The following NEURL4 variants were observed in gnomAD, a reference collection of about 807,000 sequenced individuals.
NEURL4 encodes neuralized-like protein 4.
NEURL4 carries 45 observed loss-of-function variants against 148.0 expected under a neutral mutation model. The observed-to-expected ratio is 0.30, with a 90% confidence interval of 0.24 to 0.39. The LOEUF is 0.39. NEURL4 is among the 10% of genes least tolerant of loss of function. NEURL4 has a pLI of 1.00. For missense variants in NEURL4, 1,776 were observed against 2,144.0 expected, an observed-to-expected ratio of 0.83 and a Z score of 3.39; for synonymous variants, 854 against 869.0, an observed-to-expected ratio of 0.98 and a Z score of 0.30.
Position 7,327,359 on chromosome 17 carries a change from G to A in NEURL4, c.727+81C>T. On this transcript the variant is annotated intron_variant, in intron 2 of 28. Coordinates refer to ENST00000399464, the MANE Select transcript of NEURL4 (RefSeq NM_032442.3). The surrounding 1 kb of genome is among the most constrained non-coding windows in gnomAD (Gnocchi z 6.6). ...CAGACTTGGGGATCAGGGTGGCCCT[G>A]CCCACACCCAGCCTGTCTTGTCACT... The A allele has an allele frequency of 6.9e-7, 1 of 1,447,002 alleles. No homozygotes were observed. Among genetic ancestry groups the A allele is most frequent in the Non-Finnish European group, 9.4e-7 (1 of 1,066,550 alleles). 89.6% of individuals were successfully genotyped at this position (1,447,002 alleles called of 1,614,324 possible).
chr17:7,320,939 G>T lies in NEURL4; in HGVS notation c.3361-16C>A, dbSNP rs745531481. The T allele has an allele frequency of 6.2e-7, 1 of 1,613,370 alleles. No homozygotes were observed. Among genetic ancestry groups the T allele is most frequent in the African/African-American group, 1.3e-5 (1 of 74,884 alleles). ...CATTCTGGCCCTGGTGTGGAGGAAG[G>T]GACTGAGCTGCATGGGTTGCCAATG... On this transcript the variant is annotated splice_polypyrimidine_tract_variant and intron_variant, in intron 20 of 28. Transcript: ENST00000399464.
intron 8 of NEURL4, 51 bp downstream of exon 8, chr17:7,325,158 C>CCCCCCCCCCCCCCCCCCCCCCCT: frequency 1.3e-6 from 1 of 750,854 alleles, no homozygotes; most frequent in Non-Finnish European, 2.2e-6. Context: ...CCGCCCCCCC[C>CCCCCCCCCCCCCCCCCCCCCCCT]CCCCCATTAG....
chr17:7,320,679 C>CA, intron 21 of NEURL4, 80 bp downstream of exon 21: 1 of 1,374,040 alleles, frequency 7.3e-7, no homozygotes, highest in Non-Finnish European at 1.0e-6. Context: ...TTTCTCCACA[C>CA]AAAAAGGCCT....
Position 7,319,189 on chromosome 17 carries a change from T to G in NEURL4, c.3545A>C (p.Asn1182Thr). ...GACAAGGGAAGATGTCCACTGTCGG[T>G]TTAGGAAATCTATCCGCACCTGGGG... is the stretch of plus-strand genomic sequence containing the variant. ...LLVQVRIDFL[N>T]RQWTSSLVLG... is the part of the protein sequence containing the mutation. The change falls in exon 22 of 29, where the codon AAC becomes ACC. Residue 1182 changes from asparagine to threonine, a missense_variant. Transcript: ENST00000399464. The G allele has an allele frequency of 6.2e-7, 1 of 1,612,850 alleles. No homozygotes were observed.
rs1480602439 is a variant in NEURL4, at chr17:7,326,360, A to G, written c.1205-17T>C. The stretch of plus-strand genomic sequence containing the variant: ...TGATGGTGCCTGGGTGATAGTGGAC[A>G]CTTGGGTTCGGGTACGGGGCTTCCT... On this transcript the variant is annotated splice_polypyrimidine_tract_variant and intron_variant, in intron 5 of 28. Transcript: ENST00000399464. The surrounding 1 kb of genome is among the most constrained non-coding windows in gnomAD (Gnocchi z 6.0). 1.2e-6 allele frequency: 2 copies of G among 1,613,968 alleles called. No homozygotes were observed. Among genetic ancestry groups the G allele is most frequent in the South Asian group, 1.1e-5 (1 of 91,080 alleles).
chr17:7,317,365 C>T lies in NEURL4; in HGVS notation c.4324G>A (p.Ala1442Thr). 6.4e-7 allele frequency: 1 copy of T among 1,573,958 alleles called. No individual in the cohort carries two copies. Among genetic ancestry groups the T allele is most frequent in the East Asian group, 2.2e-5 (1 of 44,550 alleles). The change falls in exon 28 of 29, where the codon GCC (alanine) becomes ACC (threonine). Residue 1442 changes from alanine to threonine, a missense_variant. Transcript: ENST00000399464. ...LDRGELGAGT[A>T]SILSCRPLKG... ...AAAGGACGGCAGCTCAGGATGGAGGCAGTACCTGGGAGGAGAACTGGGTCA... is the reference window on the plus strand; with the variant it reads ...AAAGGACGGCAGCTCAGGATGGAGGTAGTACCTGGGAGGAGAACTGGGTCA...
chr17:7,320,648 A>G (rs2073019174), intron 21 of NEURL4, 111 bp downstream of exon 21: 2 of 969,530 alleles, frequency 2.1e-6, no homozygotes, highest in Non-Finnish European at 3.1e-6. Context: ...TAGGAAGCTC[A>G]TCCAAGTGGC....
chr17:7,322,879 G>A lies in NEURL4; in HGVS notation c.2594-13C>T, dbSNP rs1268034140. The A allele has an allele frequency of 3.1e-6, 5 of 1,611,992 alleles. No individual in the cohort carries two copies. Among genetic ancestry groups the A allele is most frequent in the African/African-American group, 1.3e-5 (1 of 74,992 alleles). On this transcript the variant is annotated splice_polypyrimidine_tract_variant and intron_variant, in intron 15 of 28. Transcript: ENST00000399464. This position sits in a 1 kb window ranked among gnomAD's most constrained non-coding sequence, Gnocchi z 5.5. ...ACCGCATACACCTCTGGGGAGGAGA[G>A]GGAAGGTCAGAAGCCTGACAGCCAG...
chr17:7,323,026 T>G lies in NEURL4; in HGVS notation c.2515A>C (p.Thr839Pro). The change falls in exon 15 of 29, where the codon ACT becomes CCT. Residue 839 changes from threonine to proline, a missense_variant. Physicochemically the swap from Thr to Pro is conservative, Grantham distance 38. Coordinates refer to ENST00000399464, the MANE Select transcript of NEURL4 (RefSeq NM_032442.3). ...AAGTAGTGCAGGTCGCCCTTGGCAG[T>G]TCGCATCATGCCAATGCGTGCACCT... is the stretch of plus-strand genomic sequence containing the variant. The part of the protein sequence containing the change: ...GTGARIGMMR[T>P]AKGDLHYFIN... The G allele has an allele frequency of 6.2e-7, 1 of 1,613,776 alleles. No homozygotes were observed. The highest frequency in any genetic ancestry group is 8.5e-7 in the Non-Finnish European group (1 of 1,179,998).
chr17:7,321,792 G>A lies in NEURL4; in HGVS notation c.2872-5C>T, dbSNP rs534464860. On this transcript the variant is annotated splice_region_variant and splice_polypyrimidine_tract_variant and intron_variant, in intron 17 of 28. Transcript: ENST00000399464. This position sits in a 1 kb window ranked among gnomAD's most constrained non-coding sequence, Gnocchi z 6.3. ...ATCTAGCTCTTCCACTTTCACCTACGAGACAGAGAAAACATAAGCTGGCCC... is the reference window on the plus strand; with the variant it reads ...ATCTAGCTCTTCCACTTTCACCTACAAGACAGAGAAAACATAAGCTGGCCC... The A allele has an allele frequency of 6.2e-6, 10 of 1,612,688 alleles. No homozygotes were observed. Among genetic ancestry groups the A allele is most frequent in the South Asian group, 2.2e-5 (2 of 91,078 alleles).
chr17:7,326,596 A>G lies in NEURL4; in HGVS notation c.1093-48T>C. ...AGAAGCAGGGAATGTAAATGCAGAAAGGGACCTTCAGCCCTTGGTTCTTCC... is the reference window on the plus strand; with the variant it reads ...AGAAGCAGGGAATGTAAATGCAGAAGGGGACCTTCAGCCCTTGGTTCTTCC... On this transcript the variant is annotated intron_variant, in intron 4 of 28. Transcript: ENST00000399464. This position sits in a 1 kb window ranked among gnomAD's most constrained non-coding sequence, Gnocchi z 6.0. The G allele has an allele frequency of 6.2e-7, 1 of 1,605,884 alleles. No homozygotes were observed. Among genetic ancestry groups the G allele is most frequent in the African/African-American group, 1.3e-5 (1 of 74,870 alleles).
Position 7,325,284 on chromosome 17 carries a change from T to C in NEURL4, c.1556A>G (p.Glu519Gly), listed in dbSNP as rs765023576. 1.2e-6 allele frequency: 2 copies of C among 1,608,662 alleles called. No individual in the cohort carries two copies. The highest frequency in any genetic ancestry group is 1.7e-6 in the Non-Finnish European group (2 of 1,177,950). Residue 519 changes from glutamate (E) to glycine (G), a missense_variant, in exon 8 of 29, where the codon GAG becomes GGG. Physicochemically the swap from Glu to Gly is moderately conservative, Grantham distance 98 (BLOSUM62 -2). Transcript: ENST00000399464. ...RAAPAAQAEP[E>G]RLLFHPNCGQ... ...ACAGTTGGGGTGGAAGAGCAGGCGC[T>C]CAGGTTCTGCCTGGGCGGCAGGGGC...
chr17:7,326,343 C>T lies in NEURL4; in HGVS notation c.1205G>A (p.Gly402Asp). ...YPATMTNLQS[G>D]TIMMSGCGIL... Reference sequence around the variant, plus strand: ...TCCACAGCCGCTCATCATGATGGTGCCTGGGTGATAGTGGACACTTGGGTT... The same window carrying T: ...TCCACAGCCGCTCATCATGATGGTGTCTGGGTGATAGTGGACACTTGGGTT... The change falls in exon 6 of 29, where the codon GGC becomes GAC. Residue 402 changes from glycine (G) to aspartate (D), a missense_variant and splice_region_variant. Gly to Asp is a moderately conservative substitution (Grantham distance 94). Transcript: ENST00000399464. This position sits in a 1 kb window ranked among gnomAD's most constrained non-coding sequence, Gnocchi z 6.0. 1 of 1,614,138 alleles carries T rather than the reference C, an allele frequency of 6.2e-7. No homozygotes were observed. Among genetic ancestry groups the T allele is most frequent in the Non-Finnish European group, 8.5e-7 (1 of 1,180,028 alleles).
chr17:7,316,569 C>A (rs1287619105), intron 28 of NEURL4, among the ~76,000 whole-genome samples: 1 of 152,220 alleles, frequency 6.6e-6, no homozygotes, highest in Non-Finnish European at 1.5e-5. Context: ...TCCACACCAA[C>A]CGCACTGCTG....
rs767145433 is a variant in NEURL4 at position 7,317,314 on chromosome 17, C to T, written c.4375G>A (p.Glu1459Lys). 3.9e-6 allele frequency: 6 copies of T among 1,538,636 alleles called. No homozygotes were observed. Among genetic ancestry groups the T allele is most frequent in the Non-Finnish European group, 5.3e-6 (6 of 1,142,038 alleles). The change falls in exon 28 of 29, where the codon GAG becomes AAG. Residue 1459 changes from glutamate to lysine, a missense_variant. Transcript: ENST00000399464. Reference protein sequence around the residue: ...PLKGEPGVGFEEPGENCAPPR... With the variant: ...PLKGEPGVGFKEPGENCAPPR... ...GGTGCACAGTTCTCGCCAGGCTCCTCGAACCCTACCCCAGGTTCTCCCTTC... is the reference window on the plus strand; with the variant it reads ...GGTGCACAGTTCTCGCCAGGCTCCTTGAACCCTACCCCAGGTTCTCCCTTC...
rs748663327 is a variant in NEURL4 at position 7,317,943 on chromosome 17, G to A, written c.4061-11C>T. 2 of 1,614,216 alleles carry A rather than the reference G, an allele frequency of 1.2e-6. No individual in the cohort carries two copies. The highest frequency in any genetic ancestry group is 3.3e-5 in the Admixed American group (2 of 60,030). On this transcript the variant is annotated splice_polypyrimidine_tract_variant and intron_variant, in intron 25 of 28. Coordinates refer to ENST00000399464, the MANE Select transcript of NEURL4 (RefSeq NM_032442.3). ...GCATGAAATAATCTTCTGCGGGACA[G>A]TGAGTAGCAGGCTTGGTGCTGTGGC...
In NEURL4 at chr17:7,327,411, C is replaced by G. The variant is rs768589983; in HGVS notation, c.727+29G>C. On this transcript the variant is annotated intron_variant, in intron 2 of 28. Transcript: ENST00000399464. This position sits in a 1 kb window ranked among gnomAD's most constrained non-coding sequence, Gnocchi z 6.6. Reference sequence around the variant, plus strand: ...TATTTCCCCCATTCCGTCCCCACCCCACCACCACTGCCCTAGCTGTGTTCT... The same window carrying G: ...TATTTCCCCCATTCCGTCCCCACCCGACCACCACTGCCCTAGCTGTGTTCT... The G allele has an allele frequency of 6.6e-7, 1 of 1,523,478 alleles. No homozygotes were observed. The highest frequency in any genetic ancestry group is 8.9e-7 in the Non-Finnish European group (1 of 1,128,736). 94.4% of individuals were successfully genotyped at this position (1,523,478 alleles called of 1,614,324 possible).
chr17:7,324,335 C>T lies in NEURL4; in HGVS notation c.1899+60G>A. 1 of 1,613,858 alleles carries T rather than the reference C, an allele frequency of 6.2e-7. No homozygotes were observed. The highest frequency in any genetic ancestry group is 8.5e-7 in the Non-Finnish European group (1 of 1,179,898). ...GTTCCTGCCGGGGCTGGTCCTGCAT[C>T]AGCCCCGCGGTGTTTGTGATGCCCG... is the stretch of plus-strand genomic sequence containing the variant. On this transcript the variant is annotated intron_variant, in intron 10 of 28. Transcript: ENST00000399464. The surrounding 1 kb of genome is among the most constrained non-coding windows in gnomAD (Gnocchi z 5.9).
intron 21 of NEURL4, among the ~76,000 whole-genome samples, 166 bp from the exon 22 acceptor site, chr17:7,319,374 CTTTTTTTTTTTTT>C (rs374281551): frequency 6.1e-5 from 7 of 113,932 alleles, no homozygotes; most frequent in East Asian, 2.6e-4. Context: ...TTCTTTCCCT[CTTTTTTTTTTTTT>C]TTTTTTTTTT....
Sources: allele counts gnomAD v4.1 joint callset (sites outside exome capture counted in the v4.1 genomes callset), GRCh38; gene constraint gnomAD v4.1.1; non-coding constraint Gnocchi (gnomAD v3.1); transcripts MANE v1.5; gene names NCBI Gene and HGNC (gene_info 2026-07-23, HGNC 2026-07-21).